Variants in PTPRN2 observed in about 807,000 individuals in gnomAD.
PTPRN2 encodes receptor-type tyrosine-protein phosphatase N2.
PTPRN2 carries 74 observed loss-of-function variants against 118.8 expected under a neutral mutation model. That is an observed-to-expected ratio of 0.62 (90% CI 0.52 to 0.76). PTPRN2 has a LOEUF of 0.76. Ranked by LOEUF, PTPRN2 falls within the 30% of genes least tolerant of loss-of-function variation. PTPRN2 has a pLI of 0.00. For missense variants in PTPRN2, 1,481 were observed against 1,394.4 expected, an observed-to-expected ratio of 1.06 and a Z score of -0.99; for synonymous variants, 641 against 608.0, an observed-to-expected ratio of 1.05 and a Z score of -0.80.
intron 12 of PTPRN2, among the ~76,000 whole-genome samples, chr7:157,888,640 T>C (rs1264298368): frequency 6.7e-6 from 1 of 148,852 alleles, no homozygotes; most frequent in Non-Finnish European, 1.5e-5. Context: ...ACCTTTGTCA[T>C]GTACTGGCCT....
chr7:158,341,850 A>C, intron 2 of PTPRN2, among the ~76,000 whole-genome samples: 2 of 8,100 alleles, frequency 2.5e-4, no homozygotes, highest in Non-Finnish European at 5.5e-4. Flanking sequence ...CCACACTCTC[A>C]CCATAAGAGT....
chr7:157,685,766 C>T (rs1277585642), intron 12 of PTPRN2, among the ~76,000 whole-genome samples: 1 of 152,214 alleles, frequency 6.6e-6, no homozygotes, highest in African/African-American at 2.4e-5. Context: ...GAGCGATTGC[C>T]TGGAGAGCTC....
chr7:158,064,393 G>A (rs1054267608), intron 11 of PTPRN2, among the ~76,000 whole-genome samples: 10 of 152,126 alleles, frequency 6.6e-5, no homozygotes, highest in African/African-American at 2.2e-4. Flanking sequence ...CACAGCCCCC[G>A]GGAGAGCATG....
chr7:158,221,322 T>C (rs1828351700), intron 3 of PTPRN2, among the ~76,000 whole-genome samples: 1 of 150,824 alleles, frequency 6.6e-6, no homozygotes, highest in Non-Finnish European at 1.5e-5. Flanking sequence ...GATTTAATGA[T>C]GACATCTCCA....
intron 10 of PTPRN2, among the ~76,000 whole-genome samples, chr7:158,085,582 G>A (rs1469173865): frequency 5.8e-5 from 4 of 68,606 alleles, no homozygotes; most frequent in East Asian, 8.8e-4. Context: ...CACCCTCGAC[G>A]CCCATCCAGA....
intron 11 of PTPRN2, among the ~76,000 whole-genome samples, chr7:158,054,090 G>C (rs1397615621): frequency 1.3e-5 from 2 of 151,890 alleles, no homozygotes; most frequent in Non-Finnish European, 2.9e-5. Flanking sequence ...GTGATGCAGA[G>C]ACTCCAGAGA....
intron 12 of PTPRN2, among the ~76,000 whole-genome samples, chr7:157,685,979 TG>T (rs1459468841): frequency 6.6e-6 from 1 of 151,814 alleles, no homozygotes; most frequent in African/African-American, 2.4e-5. Context: ...TCCTGCAACC[TG>T]GGAGAGGCCG....
intron 1 of PTPRN2, among the ~76,000 whole-genome samples, chr7:158,550,786 G>C (rs1208063741): frequency 2.6e-5 from 4 of 152,124 alleles, no homozygotes; most frequent in African/African-American, 7.2e-5. Flanking sequence ...TAATTACCTC[G>C]TCTTTAAGTG....
chr7:157,956,944 C>T (rs1801218401), intron 11 of PTPRN2, among the ~76,000 whole-genome samples: 1 of 152,204 alleles, frequency 6.6e-6, no homozygotes, highest in Non-Finnish European at 1.5e-5. Context: ...GCTCATGCCA[C>T]TATGAAAACC....
intron 11 of PTPRN2, among the ~76,000 whole-genome samples, chr7:158,020,578 G>A (rs564395743): frequency 6.6e-5 from 10 of 152,278 alleles, no homozygotes; most frequent in East Asian, 1.9e-4. Flanking sequence ...TGGTGAAGCC[G>A]TCAGGACAGA....
At chr7:158,080,591 A>AAG (rs1696240210) in intron 11 of PTPRN2, among the ~76,000 whole-genome samples, 1 of 151,826 alleles carries the variant, frequency 6.6e-6, no homozygotes, top group South Asian at 2.1e-4. Flanking sequence ...AAAAAAAAAA[A>AAG]AAAGGCAGGT....
intron 13 of PTPRN2, among the ~76,000 whole-genome samples, chr7:157,681,429 A>C (rs1294916126): frequency 6.6e-6 from 1 of 152,230 alleles, no homozygotes; most frequent in Admixed American, 6.5e-5. Context: ...AAAGCTATGC[A>C]CTGCAACTGA....
intron 3 of PTPRN2, among the ~76,000 whole-genome samples, chr7:158,291,192 C>G (rs1800100662): frequency 6.6e-6 from 1 of 152,162 alleles, no homozygotes; most frequent in Admixed American, 6.5e-5. Flanking sequence ...ATGTACTCAC[C>G]AGGATCAACC....
At position 158,153,409 on chromosome 7, in the gene PTPRN2, G is replaced by A. The variant is rs548782750; in HGVS notation, c.910+13522C>T. ...CTATAGACGGCAAAATTAAAGGAGC[G>A]AAACCAAAAGAGCACCCTGTAACAC... On this transcript the variant is annotated intron_variant, in intron 6 of 22. Transcript: ENST00000389418. Among the ~76,000 whole-genome samples the A allele has an allele frequency of 6.6e-5, 10 of 152,288 alleles. No homozygotes were observed. The South Asian group carries it at 1.0e-3, about 16-fold the overall frequency.
chr7:158,403,598 G>A (rs1352039272), intron 2 of PTPRN2, among the ~76,000 whole-genome samples: 2 of 152,222 alleles, frequency 1.3e-5, no homozygotes, highest in African/African-American at 4.8e-5. Flanking sequence ...ACCACAGAGA[G>A]GTCACTTCTG....
At chr7:157,892,922 G>A (rs920340280) in intron 12 of PTPRN2, among the ~76,000 whole-genome samples, 2 of 152,330 alleles carry the variant, frequency 1.3e-5, no homozygotes, top group East Asian at 1.9e-4. Context: ...GAACCCAGCC[G>A]TCACCTGCAT....
chr7:158,171,280 CATAT>C (rs372340836), intron 5 of PTPRN2, among the ~76,000 whole-genome samples: 1 of 94,614 alleles, frequency 1.1e-5, no homozygotes, highest in Non-Finnish European at 2.0e-5. Flanking sequence ...TATATACACA[CATAT>C]ATATACACAC....
At position 158,501,914 on chromosome 7, in the gene PTPRN2, G is replaced by A. The variant is rs543147037; in HGVS notation, c.113-12129C>T. 5.1e-4 allele frequency among the ~76,000 whole-genome samples: 78 copies of A among 152,284 alleles called. 1 individual carries two copies. The highest frequency in any genetic ancestry group is 1.7e-3 in the African/African-American group (70 of 41,554). ...CCAGCTCACATCGTGGCTTCTAACCGCGTCACCATCCTCCTAGCTCTGCGG... is the reference window on the plus strand; with the variant it reads ...CCAGCTCACATCGTGGCTTCTAACCACGTCACCATCCTCCTAGCTCTGCGG... On this transcript the variant is annotated intron_variant, in intron 1 of 22. Coordinates refer to ENST00000389418, the MANE Select transcript of PTPRN2 (RefSeq NM_002847.5).
At chr7:158,283,226 G>A (rs976913066) in intron 3 of PTPRN2, among the ~76,000 whole-genome samples, 69 of 152,250 alleles carry the variant, frequency 4.5e-4, no homozygotes, top group African/African-American at 1.6e-3. Context: ...AAGTACTTCA[G>A]TCAGGCGGCA....
Sources: gnomAD v4.1 joint callset for allele counts (sites outside exome capture counted in the v4.1 genomes callset) on GRCh38, gnomAD v4.1.1 for gene constraint, MANE v1.5 for transcripts, NCBI Gene and HGNC (gene_info 2026-07-23, HGNC 2026-07-21) for gene names.